GABRG3: variants seen among roughly 807,000 people sequenced by gnomAD.
GABRG3 encodes gamma-aminobutyric acid receptor subunit gamma-3.
A neutral mutation model predicts 48.8 loss-of-function variants in GABRG3; 25 were observed. The observed-to-expected ratio is 0.51, with a 90% CI of 0.37 to 0.72. GABRG3 has a LOEUF of 0.72. GABRG3 is among the 30% of genes least tolerant of loss of function. The probability of loss-of-function intolerance (pLI) is 0.00; values close to 1 mark genes in which losing one functional copy is unlikely to be tolerated. For missense variants in GABRG3, 394 were observed against 577.9 expected, an observed-to-expected ratio of 0.68 and a Z score of 3.26; for synonymous variants, 227 against 217.6, an observed-to-expected ratio of 1.04 and a Z score of -0.38.
intron 3 of GABRG3, among the ~76,000 whole-genome samples, chr15:27,048,476 A>T (rs141783522): frequency 6.0e-4 from 92 of 152,146 alleles, no homozygotes; most frequent in African/African-American, 2.0e-3. Flanking sequence ...CCAGGAGCTG[A>T]CCTCAGTCCC....
chr15:27,069,944 G>T (rs367632043), intron 3 of GABRG3, among the ~76,000 whole-genome samples: 1 of 152,228 alleles, frequency 6.6e-6, no homozygotes, highest in African/African-American at 2.4e-5. Flanking sequence ...TTCTGTCTCT[G>T]CTCATGCTGG....
chr15:27,345,722 G>T (rs1474580718), intron 5 of GABRG3, among the ~76,000 whole-genome samples: 2 of 152,048 alleles, frequency 1.3e-5, no homozygotes, highest in East Asian at 1.9e-4. Flanking sequence ...TTGCAGGGTA[G>T]GTCTGCTCTT....
At chr15:27,051,354 A>G (rs1334051138) in intron 3 of GABRG3, among the ~76,000 whole-genome samples, 1 of 152,202 alleles carries the variant, frequency 6.6e-6, no homozygotes, top group African/African-American at 2.4e-5. Context: ...CAGAAGATAA[A>G]CTATAGTGAA....
chr15:27,129,548 G>A (rs1049350408), intron 3 of GABRG3, among the ~76,000 whole-genome samples: 38 of 152,024 alleles, frequency 2.5e-4, no homozygotes, highest in African/African-American at 8.9e-4. Flanking sequence ...AATTCTTTTG[G>A]GTGTACACCT....
At chr15:27,158,384 A>G (rs1470501617) in intron 3 of GABRG3, 1 of 152,118 alleles carries the variant, frequency 6.6e-6, no homozygotes, top group East Asian at 1.9e-4. Context: ...TAAAACCCAT[A>G]CTGATCCTGT....
At chr15:27,207,090 A>G (rs1002464883) in intron 3 of GABRG3, among the ~76,000 whole-genome samples, 1 of 152,126 alleles carries the variant, frequency 6.6e-6, no homozygotes, top group African/African-American at 2.4e-5. Context: ...TCCTGTCATC[A>G]TGTTGTTAGC....
intron 3 of GABRG3, among the ~76,000 whole-genome samples, chr15:27,258,362 G>C (rs901163147): frequency 3.3e-5 from 5 of 152,148 alleles, no homozygotes; most frequent in Non-Finnish European, 5.9e-5. Context: ...CTAGTTTCCA[G>C]GTTCACCTTG....
At chr15:27,299,766 C>T (rs748161093) in intron 3 of GABRG3, among the ~76,000 whole-genome samples, 47 of 152,204 alleles carry the variant, frequency 3.1e-4, no homozygotes, top group Non-Finnish European at 5.4e-4. Flanking sequence ...TTTCTCTCTG[C>T]GTCTTTCCTC....
intron 2 of GABRG3, among the ~76,000 whole-genome samples, chr15:26,985,325 G>A (rs977197560): frequency 2.0e-5 from 3 of 152,194 alleles, no homozygotes; most frequent in African/African-American, 7.2e-5. Context: ...GCTGGGCAGC[G>A]CGAGAGGAAT....
At chr15:27,275,062 G>A (rs908943853) in intron 3 of GABRG3, among the ~76,000 whole-genome samples, 1 of 152,144 alleles carries the variant, frequency 6.6e-6, no homozygotes, top group Non-Finnish European at 1.5e-5. Flanking sequence ...TGAACTTGGA[G>A]CCACAGCGTG....
chr15:27,034,893 C>T (rs572712396), intron 3 of GABRG3, among the ~76,000 whole-genome samples: 1 of 152,326 alleles, frequency 6.6e-6, no homozygotes, highest in East Asian at 1.9e-4. Context: ...TTCACAATTT[C>T]CTTAGTTAAT....
At chr15:27,199,093 G>A (rs928857953) in intron 3 of GABRG3, among the ~76,000 whole-genome samples, 18 of 152,022 alleles carry the variant, frequency 1.2e-4, no homozygotes, top group Admixed American at 2.0e-4. Context: ...ATGTATACCT[G>A]TGTAACAAAC....
At chr15:27,379,918 G>A (rs2140563076) in intron 5 of GABRG3, among the ~76,000 whole-genome samples, 1 of 151,516 alleles carries the variant, frequency 6.6e-6, no homozygotes, top group East Asian at 1.9e-4. Context: ...CCGTGATTTG[G>A]TGTCTGTCAT....
chr15:27,145,661 CTATT>C (rs201348866), intron 3 of GABRG3, among the ~76,000 whole-genome samples: 5,802 of 144,268 alleles, frequency 0.04, 289 homozygotes, highest in African/African-American at 0.094. Flanking sequence ...ATCTATCTAT[CTATT>C]GTGCCAGAAG....
intron 3 of GABRG3, among the ~76,000 whole-genome samples, chr15:27,063,753 G>T (rs1000346418): frequency 6.6e-6 from 1 of 152,200 alleles, no homozygotes; most frequent in Non-Finnish European, 1.5e-5. Flanking sequence ...TTGCCCTGCA[G>T]CCTGGCGTCA....
intron 3 of GABRG3, among the ~76,000 whole-genome samples, chr15:27,275,388 A>G (rs1891219991): frequency 6.6e-6 from 1 of 152,188 alleles, no homozygotes; most frequent in African/African-American, 2.4e-5. Flanking sequence ...TCATATAGCA[A>G]ATACTTTAAA....
At chr15:27,439,525 G>T (rs1888719519) in intron 5 of GABRG3, among the ~76,000 whole-genome samples, 1 of 152,164 alleles carries the variant, frequency 6.6e-6, no homozygotes. Context: ...TTTCTCAGGT[G>T]TTTATGAACT....
At chr15:27,093,027 A>G (rs1177544628) in intron 3 of GABRG3, among the ~76,000 whole-genome samples, 1 of 152,060 alleles carries the variant, frequency 6.6e-6, no homozygotes, top group Non-Finnish European at 1.5e-5. Flanking sequence ...CCAGTCACTG[A>G]ACCCTACCCC....
intron 5 of GABRG3, among the ~76,000 whole-genome samples, chr15:27,450,426 C>T (rs1202231695): frequency 2.1e-4 from 32 of 152,150 alleles, no homozygotes; most frequent in Admixed American, 2.1e-3. Flanking sequence ...AATCAATCCA[C>T]ATGATACATC....
Sources: gnomAD v4.1 joint callset for allele counts (sites outside exome capture counted in the v4.1 genomes callset) on GRCh38, gnomAD v4.1.1 for gene constraint, MANE v1.5 for transcripts, NCBI Gene and HGNC (gene_info 2026-07-23, HGNC 2026-07-21) for gene names.